The following TSPAN18 variants were observed in gnomAD, a reference collection of about 807,000 sequenced individuals.
The protein encoded by TSPAN18 is tetraspanin-18.
TSPAN18 carries 14 observed loss-of-function variants against 27.3 expected under a neutral mutation model. The ratio of observed to expected loss-of-function variants is 0.51; its 90% CI spans 0.34 to 0.80. The LOEUF (loss-of-function observed/expected upper bound fraction) is 0.80, where lower values mean the gene tolerates loss of function less well. TSPAN18 is among the 30% of genes least tolerant of loss of function. TSPAN18 has a pLI of 0.01. For synonymous variants in TSPAN18, 143 were observed against 136.5 expected, an observed-to-expected ratio of 1.05 and a Z score of -0.33; for missense variants, 268 against 323.9, an observed-to-expected ratio of 0.83 and a Z score of 1.32.
intron 5 of TSPAN18, among the ~76,000 whole-genome samples, chr11:44,914,495 A>T (rs901032146): frequency 6.6e-6 from 1 of 152,194 alleles, no homozygotes; most frequent in Non-Finnish European, 1.5e-5. Context: ...TGTTTGTGGG[A>T]TGCCTAAGCA....
Position 44,929,537 on chromosome 11 carries a change from C to A in TSPAN18, c.*359C>A. 1 of 254,950 alleles carries A rather than the reference C, an allele frequency of 3.9e-6. No homozygotes were observed. The highest frequency in any genetic ancestry group is 2.2e-5 in the African/African-American group (1 of 45,156). 15.8% of individuals were successfully genotyped at this position (254,950 alleles called of 1,614,324 possible). A position where few individuals can be genotyped will look rare whatever the true frequency, so the allele number is the denominator to read the frequency against. On this transcript the variant is annotated 3_prime_UTR_variant, in exon 10 of 10. Coordinates refer to ENST00000520358, the MANE Select transcript of TSPAN18 (RefSeq NM_130783.5). ...CTCCTCACTGCACCAGGACCTGATG[C>A]CAAGAAAGTGAGGATTTAGGCAACA...
chr11:44,838,919 T>C (rs1265812663), intron 2 of TSPAN18, among the ~76,000 whole-genome samples: 2 of 152,210 alleles, frequency 1.3e-5, no homozygotes, highest in East Asian at 3.8e-4. Flanking sequence ...TAATTTTATG[T>C]GTCAACTTGA....
chr11:44,792,428 G>C (rs1212153680), intron 2 of TSPAN18, among the ~76,000 whole-genome samples: 1 of 152,188 alleles, frequency 6.6e-6, no homozygotes, highest in Non-Finnish European at 1.5e-5. Context: ...GAGGTGAGCG[G>C]GGGTGGCCAG....
chr11:44,916,499 C>T (rs1011903320), intron 5 of TSPAN18, among the ~76,000 whole-genome samples: 3 of 152,224 alleles, frequency 2.0e-5, no homozygotes, highest in Non-Finnish European at 4.4e-5. Context: ...ATGCCAAGCT[C>T]TGCTTGGCTC....
At chr11:44,845,113 TAG>T (rs2135174669) in intron 2 of TSPAN18, among the ~76,000 whole-genome samples, 1 of 152,338 alleles carries the variant, frequency 6.6e-6, no homozygotes, top group South Asian at 2.1e-4. Flanking sequence ...CAACAGTTAT[TAG>T]AGAGGTAATG....
At chr11:44,908,829 A>AAGAAAGAAAGAAAGAAAGAAAGAG (rs765443858) in intron 4 of TSPAN18, among the ~76,000 whole-genome samples, 1 of 103,322 alleles carries the variant, frequency 9.7e-6, no homozygotes, top group Non-Finnish European at 1.9e-5. Context: ...GAAAGAAAGA[A>AAGAAAGAAAGAAAGAAAGAAAGAG]AAAGAAAAAT....
intron 3 of TSPAN18, among the ~76,000 whole-genome samples, chr11:44,864,056 A>G (rs1049463320): frequency 2.6e-5 from 4 of 151,928 alleles, no homozygotes; most frequent in Non-Finnish European, 5.9e-5. Flanking sequence ...TGGGAGGCTG[A>G]GGCGGGCGGA....
At chr11:44,862,717 C>G (rs568113632) in intron 3 of TSPAN18, among the ~76,000 whole-genome samples, 3 of 152,202 alleles carry the variant, frequency 2.0e-5, no homozygotes, top group Non-Finnish European at 4.4e-5. Context: ...CGCCTGATGT[C>G]TCAGACAGTG....
In TSPAN18 at chr11:44,931,178, C is replaced by T. The variant is rs973549124; in HGVS notation, c.*2000C>T. On this transcript the variant is annotated 3_prime_UTR_variant, in exon 10 of 10. Transcript: ENST00000520358. ...AACCCCATAAATGACACCTGAGGTC[C>T]GTAGAAGCTAAGCTCCTGAGACCCA... is the stretch of plus-strand genomic sequence containing the variant. 3 of 335,312 alleles carry T rather than the reference C, an allele frequency of 8.9e-6. No individual in the cohort carries two copies. The highest frequency in any genetic ancestry group is 1.6e-4 in the East Asian group (2 of 12,314). 20.8% of individuals were successfully genotyped at this position (335,312 alleles called of 1,614,324 possible). A position where few individuals can be genotyped will look rare whatever the true frequency, so the allele number is the denominator to read the frequency against.
Position 44,930,658 on chromosome 11 carries a change from C to T in TSPAN18, c.*1480C>T, listed in dbSNP as rs1307652061. ...GTTGGCAACTGGATTGCAAGATGCTCCTACCCTGATAGATCAGGGGTGGCT... is the reference window on the plus strand; with the variant it reads ...GTTGGCAACTGGATTGCAAGATGCTTCTACCCTGATAGATCAGGGGTGGCT... On this transcript the variant is annotated 3_prime_UTR_variant, in exon 10 of 10. Coordinates refer to ENST00000520358, the MANE Select transcript of TSPAN18 (RefSeq NM_130783.5). The T allele has an allele frequency of 5.5e-6, 2 of 360,444 alleles. No individual in the cohort carries two copies. The highest frequency in any genetic ancestry group is 1.1e-5 in the Non-Finnish European group (2 of 181,492). 22.3% of individuals were successfully genotyped at this position (360,444 alleles called of 1,614,324 possible).
chr11:44,834,850 A>G (rs1007659533), intron 2 of TSPAN18, among the ~76,000 whole-genome samples: 2 of 152,130 alleles, frequency 1.3e-5, no homozygotes, highest in African/African-American at 4.8e-5. Flanking sequence ...ATTAAGGATG[A>G]TTTCCCAGAA....
rs991694588 is a variant in TSPAN18, at chr11:44,850,349, G to A, written c.-152-9979G>A. ...GATGACAATTCCGTGTCCTTGTGTG[G>A]TTGGGGTGTGGTCAGGAAAGTTCTC... On this transcript the variant is annotated intron_variant, in intron 2 of 9. Transcript: ENST00000520358. Among the ~76,000 whole-genome samples, 3 of 152,146 alleles carry A rather than the reference G, an allele frequency of 2.0e-5. No individual in the cohort carries two copies. The South Asian group carries it at 6.2e-4, about 32-fold the overall frequency.
chr11:44,757,735 C>T (rs1490688003), intron 1 of TSPAN18, among the ~76,000 whole-genome samples: 1 of 152,150 alleles, frequency 6.6e-6, no homozygotes, highest in Non-Finnish European at 1.5e-5. Flanking sequence ...TGATGTTGAG[C>T]ATATTTTCAT....
chr11:44,919,045 G>A (rs1860024408), intron 6 of TSPAN18, among the ~76,000 whole-genome samples, 169 bp from the exon 7 acceptor site: 1 of 151,962 alleles, frequency 6.6e-6, no homozygotes, highest in African/African-American at 2.4e-5. Flanking sequence ...GGGATAAGAA[G>A]ACTGCCCCAA....
intron 3 of TSPAN18, among the ~76,000 whole-genome samples, chr11:44,872,156 C>T (rs1021527844): frequency 1.3e-5 from 2 of 152,052 alleles, no homozygotes; most frequent in African/African-American, 4.8e-5. Flanking sequence ...GTCTCGAACT[C>T]CTGACCTCAG....
At chr11:44,752,848 C>T (rs1027391226) in intron 1 of TSPAN18, among the ~76,000 whole-genome samples, 4 of 152,086 alleles carry the variant, frequency 2.6e-5, no homozygotes, top group Non-Finnish European at 5.9e-5. Flanking sequence ...GGCAGAAAAC[C>T]ATAACCTTGG....
At chr11:44,883,712 T>C (rs1368964218) in intron 3 of TSPAN18, among the ~76,000 whole-genome samples, 2 of 152,160 alleles carry the variant, frequency 1.3e-5, no homozygotes, top group Non-Finnish European at 2.9e-5. Flanking sequence ...ACTACAACGC[T>C]CTTTCTACTG....
intron 2 of TSPAN18, among the ~76,000 whole-genome samples, chr11:44,798,752 G>T (rs1565154360): frequency 6.6e-6 from 1 of 152,222 alleles, no homozygotes; most frequent in Non-Finnish European, 1.5e-5. Context: ...AGGAAGCTCT[G>T]CCAGGCACAG....
At chr11:44,858,105 C>T (rs531835470) in intron 2 of TSPAN18, among the ~76,000 whole-genome samples, 20 of 152,226 alleles carry the variant, frequency 1.3e-4, no homozygotes, top group Non-Finnish European at 2.5e-4. Context: ...GGGATGATAG[C>T]ACTGTTAGAA....
Sources: gnomAD v4.1 joint callset for allele counts (sites outside exome capture counted in the v4.1 genomes callset) on GRCh38, gnomAD v4.1.1 for gene constraint, MANE v1.5 for transcripts, NCBI Gene and HGNC (gene_info 2026-07-23, HGNC 2026-07-21) for gene names.